Variants in SCYL2 observed in about 807,000 individuals in gnomAD.
SCYL2 encodes the protein SCY1-like protein 2.
SCYL2 carries 36 observed loss-of-function variants against 100.4 expected under a neutral mutation model. The ratio of observed to expected loss-of-function variants is 0.36; its 90% CI spans 0.27 to 0.47. SCYL2 has a LOEUF of 0.47. Among genes scored for constraint, SCYL2 ranks in the 20% least tolerant of loss-of-function variants. The probability of loss-of-function intolerance (pLI) is 1.00; values close to 1 mark genes in which losing one functional copy is unlikely to be tolerated. For missense variants in SCYL2, 902 were observed against 1,083.9 expected, an observed-to-expected ratio of 0.83 and a Z score of 2.36; for synonymous variants, 330 against 359.2, an observed-to-expected ratio of 0.92 and a Z score of 0.92.
chr12:100,318,068 A>G, intron 10 of SCYL2, 143 bp downstream of exon 10: 1 of 716,218 alleles, frequency 1.4e-6, no homozygotes. Flanking sequence ...CATTATTGAT[A>G]TACTGTAACT....
chr12:100,304,744 A>G (rs746450204), intron 4 of SCYL2, among the ~76,000 whole-genome samples: 103 of 152,134 alleles, frequency 6.8e-4, no homozygotes, highest in Non-Finnish European at 1.2e-3. Flanking sequence ...AGTGTGCTGT[A>G]TTTAGGAGAC....
At chr12:100,320,113 C>T (rs1447503224) in intron 10 of SCYL2, among the ~76,000 whole-genome samples, 2 of 152,082 alleles carry the variant, frequency 1.3e-5, no homozygotes, top group Non-Finnish European at 2.9e-5. Flanking sequence ...TCTTCATCAC[C>T]GCCACCCACC....
intron 10 of SCYL2, 145 bp downstream of exon 10, chr12:100,318,070 ACTGTAAC>A: frequency 1.4e-6 from 1 of 709,636 alleles, no homozygotes; most frequent in Non-Finnish European, 2.1e-6. Flanking sequence ...TTATTGATAT[ACTGTAAC>A]TAAAATATAT....
chr12:100,309,860 A>T (rs1261243434), intron 4 of SCYL2, among the ~76,000 whole-genome samples: 1 of 152,224 alleles, frequency 6.6e-6, no homozygotes, highest in East Asian at 1.9e-4. Flanking sequence ...TGTTTTACAT[A>T]GCACCTATAT....
At chr12:100,313,305 A>C (rs1331437117) in intron 6 of SCYL2, 117 bp from the exon 7 acceptor site, 1 of 477,072 alleles carries the variant, frequency 2.1e-6, no homozygotes, top group Non-Finnish European at 3.7e-6. Flanking sequence ...CAGTGTGTTT[A>C]AAATGTAGTC....
At chr12:100,271,279 A>AG (rs1216152069) in intron 1 of SCYL2, among the ~76,000 whole-genome samples, 3 of 151,062 alleles carry the variant, frequency 2.0e-5, no homozygotes, top group East Asian at 1.9e-4. Flanking sequence ...AAAAAAAAAA[A>AG]AAAGAGAGAG....
chr12:100,290,434 C>A (rs1005932813), intron 2 of SCYL2, among the ~76,000 whole-genome samples: 31 of 152,154 alleles, frequency 2.0e-4, no homozygotes, highest in Non-Finnish European at 4.3e-4. Flanking sequence ...AAGGAACCCT[C>A]ATTTTACAAG....
chr12:100,297,047 C>A (rs2096321707), intron 3 of SCYL2, among the ~76,000 whole-genome samples: 1 of 152,108 alleles, frequency 6.6e-6, no homozygotes. Context: ...CTATGCAGGC[C>A]CAGAAGCTTG....
chr12:100,322,501 A>T (rs1288079617), intron 10 of SCYL2, among the ~76,000 whole-genome samples: 1 of 152,102 alleles, frequency 6.6e-6, no homozygotes, highest in African/African-American at 2.4e-5. Flanking sequence ...TCATGCCTAT[A>T]ATCTTAGCAC....
chr12:100,302,286 A>G (rs1256647242), intron 4 of SCYL2, among the ~76,000 whole-genome samples: 1 of 152,154 alleles, frequency 6.6e-6, no homozygotes, highest in Non-Finnish European at 1.5e-5. Flanking sequence ...AGATCTCCCT[A>G]GGACACTTGC....
rs1355284627 is a variant in SCYL2, at chr12:100,340,291, A to G, written c.*1119A>G. On this transcript the variant is annotated 3_prime_UTR_variant, in exon 18 of 18. Transcript: ENST00000360820. ...TTAATTTCTATTAGCCATTTTTAGG[A>G]AGGAAAGAATCAATTCTCTTAACAG... 1 of 152,380 alleles carries G rather than the reference A, an allele frequency of 6.6e-6. No individual in the cohort carries two copies. 9.4% of individuals were successfully genotyped at this position (152,380 alleles called of 1,614,324 possible).
chr12:100,292,661 T>A (rs975340044), intron 3 of SCYL2, among the ~76,000 whole-genome samples: 2 of 152,234 alleles, frequency 1.3e-5, no homozygotes, highest in Non-Finnish European at 2.9e-5. Context: ...TTACATTGTT[T>A]AATTCATCTA....
intron 1 of SCYL2, among the ~76,000 whole-genome samples, chr12:100,272,380 G>A (rs145832968): frequency 1.1e-4 from 17 of 152,118 alleles, no homozygotes; most frequent in African/African-American, 2.4e-4. Context: ...TCAAAATCTC[G>A]TTTAAGTTCA....
chr12:100,282,525 C>T (rs930304528), intron 1 of SCYL2, among the ~76,000 whole-genome samples: 6 of 151,948 alleles, frequency 3.9e-5, no homozygotes, highest in Non-Finnish European at 8.8e-5. Context: ...GGCATTTCAC[C>T]ATGTTGGCCA....
In SCYL2 at chr12:100,337,462, C is replaced by T. The variant is rs764484587; in HGVS notation, c.2101C>T (p.Pro701Ser). Residue 701 changes from proline (P) to serine (S), a missense_variant, in exon 17 of 18, where the codon CCT becomes TCT. Physicochemically the swap from Pro to Ser is moderately conservative, Grantham distance 74. Transcript: ENST00000360820. ...EQAQKLKSQQ[P>S]LKPQVHTPVA... ...GGCACAGAAGCTGAAAAGCCAGCAG[C>T]CTCTTAAACCCCAAGTGCACACACC... The T allele has an allele frequency of 1.9e-6, 3 of 1,612,334 alleles. No individual in the cohort carries two copies. In the Admixed American group the frequency reaches 5.0e-5, roughly 27 times the overall value.
chr12:100,298,870 C>G (rs2096324155), intron 4 of SCYL2, among the ~76,000 whole-genome samples: 1 of 152,218 alleles, frequency 6.6e-6, no homozygotes, highest in Non-Finnish European at 1.5e-5. Context: ...GAGTGAGCCA[C>G]CACGCCTGGC....
At chr12:100,282,319 CTTT>C (rs1180915936) in intron 1 of SCYL2, among the ~76,000 whole-genome samples, 1 of 85,594 alleles carries the variant, frequency 1.2e-5, no homozygotes, top group Non-Finnish European at 2.3e-5. Context: ...CACTTTTAGT[CTTT>C]TTTTTTTTTT....
At chr12:100,299,287 T>C (rs186307397) in intron 4 of SCYL2, among the ~76,000 whole-genome samples, 4 of 152,202 alleles carry the variant, frequency 2.6e-5, no homozygotes, top group African/African-American at 9.6e-5. Context: ...TAGAATAAAT[T>C]TATATAGTAG....
intron 14 of SCYL2, 151 bp from the exon 15 acceptor site, chr12:100,335,474 A>T: frequency 1.7e-6 from 1 of 587,500 alleles, no homozygotes; most frequent in South Asian, 2.5e-5. Flanking sequence ...GCAAGCAGAC[A>T]TTAACAGTAG....
Sources: allele counts gnomAD v4.1 joint callset (sites outside exome capture counted in the v4.1 genomes callset), GRCh38; gene constraint gnomAD v4.1.1; transcripts MANE v1.5; gene names NCBI Gene and HGNC (gene_info 2026-07-23, HGNC 2026-07-21).